The following BPHL variants were observed in gnomAD, a reference collection of about 807,000 sequenced individuals.
The protein encoded by BPHL is serine hydrolase BPHL.
In BPHL, 27 loss-of-function variants were observed where a neutral mutation model predicts 31.2. That is an observed-to-expected ratio of 0.87 (90% CI 0.64 to 1.19). The LOEUF is 1.19. BPHL is among the 50% of genes most tolerant of loss of function. The probability of loss-of-function intolerance (pLI) is 0.00; values close to 1 mark genes in which losing one functional copy is unlikely to be tolerated. For synonymous variants in BPHL, 150 were observed against 146.8 expected, an observed-to-expected ratio of 1.02 and a Z score of -0.16; for missense variants, 356 against 375.7, an observed-to-expected ratio of 0.95 and a Z score of 0.43.
chr6:3,119,163 A>T (rs569130234), intron 1 of BPHL: 2 of 898,960 alleles, frequency 2.2e-6, no homozygotes, highest in Non-Finnish European at 3.5e-6. Context: ...ATTTGCCTGT[A>T]GTATGGACTC....
At chr6:3,138,480 T>G (rs977674259) in intron 5 of BPHL, 1 of 153,480 alleles carries the variant, frequency 6.5e-6, no homozygotes, top group African/African-American at 2.4e-5. Context: ...GATCTAATCT[T>G]GGAGTGCATT....
At chr6:3,123,120 C>A (rs1384058840) in intron 1 of BPHL, among the ~76,000 whole-genome samples, 1 of 152,200 alleles carries the variant, frequency 6.6e-6, no homozygotes, top group Non-Finnish European at 1.5e-5. Context: ...CCAGGCTGGG[C>A]ACAATAGCGT....
At chr6:3,126,699 C>G (rs956458996) in intron 2 of BPHL, 2 of 152,206 alleles carry the variant, frequency 1.3e-5, no homozygotes, top group East Asian at 3.9e-4. Flanking sequence ...AGCGATCCGC[C>G]CGCCTTGGCC....
At chr6:3,136,260 C>G (rs1192797686) in intron 4 of BPHL, among the ~76,000 whole-genome samples, 1 of 152,220 alleles carries the variant, frequency 6.6e-6, no homozygotes, top group South Asian at 2.1e-4. Context: ...TTCTCTCTCC[C>G]TTACCCTCCG....
intron 3 of BPHL, among the ~76,000 whole-genome samples, chr6:3,127,825 C>CTT (rs4053354): frequency 0.043 from 6,203 of 145,036 alleles, 266 homozygotes; most frequent in African/African-American, 0.1. Flanking sequence ...CACCAATTTT[C>CTT]TTTTTTTTTT....
chr6:3,144,459 C>T (rs1404887795), intron 6 of BPHL, among the ~76,000 whole-genome samples: 2 of 148,340 alleles, frequency 1.3e-5, no homozygotes, highest in Non-Finnish European at 3.0e-5. Context: ...GATCACGGCT[C>T]ATTGCAGCCT....
At chr6:3,144,731 A>C (rs1383948622) in intron 6 of BPHL, among the ~76,000 whole-genome samples, 2 of 152,140 alleles carry the variant, frequency 1.3e-5, no homozygotes, top group Non-Finnish European at 2.9e-5. Flanking sequence ...CGTGAATGCA[A>C]TTCTTCCCAT....
chr6:3,133,126 A>T (rs1197545628), intron 4 of BPHL, among the ~76,000 whole-genome samples: 1 of 152,158 alleles, frequency 6.6e-6, no homozygotes. Flanking sequence ...ATATCCATGT[A>T]AGGTCTCTGA....
chr6:3,146,761 A>G (rs28639931), intron 6 of BPHL, among the ~76,000 whole-genome samples: 88,210 of 116,844 alleles, frequency 0.75, 31,465 homozygotes, highest in African/African-American at 0.78. Flanking sequence ...GGTTTGGGTC[A>G]GAGTGCTGGT....
chr6:3,134,376 C>T (rs1272370386), intron 4 of BPHL, among the ~76,000 whole-genome samples: 3 of 151,342 alleles, frequency 2.0e-5, no homozygotes, highest in Admixed American at 1.3e-4. Flanking sequence ...GGCAGAACTA[C>T]TTAATGTAAG....
At position 3,127,384 on chromosome 6, in the gene BPHL, A is replaced by C; in HGVS notation, c.354A>C (p.Ala118=). The C allele has an allele frequency of 6.2e-7, 1 of 1,607,886 alleles. No homozygotes were observed. Among genetic ancestry groups the C allele is most frequent in the Non-Finnish European group, 8.5e-7 (1 of 1,176,010 alleles). The part of the protein sequence containing the change: ...DFPADFFERD[A]KDAVDLMKAL... ...CAGCAGACTTTTTTGAAAGGGATGC[A>C]AAAGATGCTGTTGATTTGATGAAGG... The change falls in exon 3 of 7, where the codon GCA becomes GCC. Residue 118 remains alanine, a synonymous_variant. Transcript: ENST00000380379.
chr6:3,122,212 G>A (rs1347443103), intron 1 of BPHL, among the ~76,000 whole-genome samples: 1 of 152,182 alleles, frequency 6.6e-6, no homozygotes, highest in Non-Finnish European at 1.5e-5. Context: ...CCCGGGAGGT[G>A]GAACTTGCAG....
At chr6:3,138,836 G>T (rs1407448262) in intron 5 of BPHL, 1 of 152,216 alleles carries the variant, frequency 6.6e-6, no homozygotes, top group Non-Finnish European at 1.5e-5. Flanking sequence ...TTTAAAGGTG[G>T]AAATAGGGTT....
intron 4 of BPHL, among the ~76,000 whole-genome samples, chr6:3,135,973 C>T (rs955772533): frequency 6.6e-6 from 1 of 152,180 alleles, no homozygotes; most frequent in Admixed American, 6.5e-5. Context: ...GCGAACACTG[C>T]GTCTCCACCC....
At chr6:3,146,162 G>A (rs1484829623) in intron 6 of BPHL, among the ~76,000 whole-genome samples, 4 of 47,722 alleles carry the variant, frequency 8.4e-5, no homozygotes, top group Non-Finnish European at 1.2e-4. Context: ...TGCTGGTTCG[G>A]GGTGGAGTGC....
intron 4 of BPHL, among the ~76,000 whole-genome samples, chr6:3,132,021 G>C (rs1033231554): frequency 2.3e-4 from 35 of 152,232 alleles, no homozygotes; most frequent in African/African-American, 8.4e-4. Context: ...AACTCACTGT[G>C]TGCAGTTGCT....
chr6:3,120,505 A>G lies in BPHL; in HGVS notation c.107+1658A>G, dbSNP rs1761539978. Among the ~76,000 whole-genome samples the G allele has an allele frequency of 2.0e-5, 3 of 152,186 alleles. No homozygotes were observed. In the South Asian group the frequency reaches 6.2e-4, roughly 32 times the overall value. On this transcript the variant is annotated intron_variant, in intron 1 of 6. Coordinates refer to ENST00000380379, the MANE Select transcript of BPHL (RefSeq NM_004332.4). ...TTGATATGACATATAATCTGGGAAA[A>G]CAAGCAGTGGTATTAGTTAATCCTG...
chr6:3,126,102 T>A (rs77283580), intron 2 of BPHL, among the ~76,000 whole-genome samples: 262 of 152,356 alleles, frequency 1.7e-3, no homozygotes, highest in African/African-American at 5.8e-3. Flanking sequence ...GCTTTTAGCA[T>A]GGGCTGTTTC....
At chr6:3,148,023 G>C (rs1762428161) in intron 6 of BPHL, among the ~76,000 whole-genome samples, 1 of 152,260 alleles carries the variant, frequency 6.6e-6, no homozygotes, top group Non-Finnish European at 1.5e-5. Context: ...TATTCAGTCA[G>C]TGGATTCAAA....
Sources: gnomAD v4.1 joint callset for allele counts (sites outside exome capture counted in the v4.1 genomes callset) on GRCh38, gnomAD v4.1.1 for gene constraint, MANE v1.5 for transcripts, NCBI Gene and HGNC (gene_info 2026-07-23, HGNC 2026-07-21) for gene names.